Variants in ATP7B observed in about 807,000 individuals in gnomAD.
ATP7B encodes ATPase copper transporting beta, also known as copper-transporting ATPase 2.
In ATP7B, 113 loss-of-function variants were observed where a neutral mutation model predicts 118.9. The ratio of observed to expected loss-of-function variants is 0.95; its 90% CI spans 0.82 to 1.11. ATP7B has a LOEUF of 1.11. Ranked by LOEUF, ATP7B falls within the 50% of genes most tolerant of loss-of-function variation. The pLI, the probability that ATP7B is intolerant of heterozygous loss-of-function variation, is 0.00. For missense variants in ATP7B, 1,867 were observed against 1,871.4 expected, an observed-to-expected ratio of 1.00 and a Z score of 0.04; for synonymous variants, 777 against 727.4, an observed-to-expected ratio of 1.07 and a Z score of -1.10.
Position 51,950,078 on chromosome 13 carries a change from C to G in ATP7B, c.2659G>C (p.Ala887Pro), listed in dbSNP as rs768479687. Residue 887 changes from alanine (A) to proline (P), a missense_variant, in exon 11 of 21, where the codon GCT becomes CCT. Coordinates refer to ENST00000242839, the MANE Select transcript of ATP7B (RefSeq NM_000053.4). Reference sequence around the variant, plus strand: ...GTGGTGTCATTGCCCACGTGGGTAGCTTTAATGAGCACAGAGCCATGTGCA... The same window carrying G: ...GTGGTGTCATTGCCCACGTGGGTAGGTTTAATGAGCACAGAGCCATGTGCA... ...INAHGSVLIKATHVGNDTTLA... is the reference protein window; with the variant it reads ...INAHGSVLIKPTHVGNDTTLA... 2.5e-6 allele frequency: 4 copies of G among 1,614,092 alleles called. No individual in the cohort carries two copies. In the African/African-American group the frequency reaches 4.0e-5, roughly 16 times the overall value.
intron 9 of ATP7B, among the ~76,000 whole-genome samples, chr13:51,952,527 T>C (rs1435033909): frequency 6.6e-6 from 1 of 152,236 alleles, no homozygotes; most frequent in Non-Finnish European, 1.5e-5. Flanking sequence ...TTTACCTCAC[T>C]GAATCTTCCC....
Position 51,935,603 on chromosome 13 carries a change from G to C in ATP7B, c.4114C>G (p.Gln1372Glu), listed in dbSNP as rs755584106. The change falls in exon 20 of 21, where the codon CAG (glutamine) becomes GAG (glutamate). Residue 1372 changes from glutamine to glutamate, a missense_variant. Transcript: ENST00000242839. ...SSVSVVLSSL[Q>E]LKCYKKPDLE... Reference sequence around the variant, plus strand: ...CCTGAGGGGACTCACCACTTGAGCTGCAGGGATGAGAGCACCACAGACACA... The same window carrying C: ...CCTGAGGGGACTCACCACTTGAGCTCCAGGGATGAGAGCACCACAGACACA... 3.7e-6 allele frequency: 6 copies of C among 1,613,304 alleles called. No individual in the cohort carries two copies. The African/African-American group carries it at 4.0e-5, about 11-fold the overall frequency.
At position 51,969,980 on chromosome 13, in the gene ATP7B, A is replaced by G. The variant is rs1262606023; in HGVS notation, c.1543+512T>C. Among the ~76,000 whole-genome samples the G allele has an allele frequency of 2.6e-5, 4 of 152,204 alleles. No homozygotes were observed. The East Asian group carries it at 5.8e-4, about 22-fold the overall frequency. ...TTTCCAAACAAATAAATGGATCCGA[A>G]TTTTATTGTACTTTCAGGTTTAAAA... is the stretch of plus-strand genomic sequence containing the variant. On this transcript the variant is annotated intron_variant, in intron 3 of 20. Transcript: ENST00000242839.
At position 51,935,046 on chromosome 13, in the gene ATP7B, C is replaced by A; in HGVS notation, c.4125-17G>T. On this transcript the variant is annotated splice_polypyrimidine_tract_variant and intron_variant, in intron 20 of 20. Coordinates refer to ENST00000242839, the MANE Select transcript of ATP7B (RefSeq NM_000053.4). ...TTCTTATAGCTGGAAAGCAGGAACG[C>A]AACAGCATCTGAGCCATTCTAGAAA... 6.2e-7 allele frequency: 1 copy of A among 1,613,554 alleles called. No homozygotes were observed. The highest frequency in any genetic ancestry group is 8.5e-7 in the Non-Finnish European group (1 of 1,179,970).
intron 1 of ATP7B, among the ~76,000 whole-genome samples, chr13:52,007,019 C>T (rs946489845): frequency 3.3e-5 from 5 of 152,078 alleles, no homozygotes; most frequent in Non-Finnish European, 7.4e-5. Flanking sequence ...AGAAAGTGCT[C>T]CATAATGTTT....
intron 1 of ATP7B, among the ~76,000 whole-genome samples, chr13:52,003,598 T>G (rs1361104005): frequency 2.6e-5 from 4 of 151,428 alleles, no homozygotes; most frequent in Non-Finnish European, 4.4e-5. Flanking sequence ...ACTTGCTCAG[T>G]GCAGGGTTGC....
Position 51,946,269 on chromosome 13 carries a change from G to A in ATP7B, c.3060+15C>T, listed in dbSNP as rs1337197708. On this transcript the variant is annotated intron_variant, in intron 13 of 20. Coordinates refer to ENST00000242839, the MANE Select transcript of ATP7B (RefSeq NM_000053.4). ...TTCATCTCTCAGGATGGGGAAAGCC[G>A]TGCTACAGGCTGACCTTGTGCGCCA... The A allele has an allele frequency of 6.4e-6, 10 of 1,565,312 alleles. No homozygotes were observed. The highest frequency in any genetic ancestry group is 2.4e-5 in the East Asian group (1 of 42,414).
At chr13:51,964,243 C>T (rs1958946232) in intron 5 of ATP7B, among the ~76,000 whole-genome samples, 1 of 152,168 alleles carries the variant, frequency 6.6e-6, no homozygotes, top group African/African-American at 2.4e-5. Flanking sequence ...TTTATCCTTA[C>T]TAGCTGTTAC....
Position 51,958,482 on chromosome 13 carries a change from G to A in ATP7B, c.2184C>T (p.Asn728=), listed in dbSNP as rs1202766392. The change falls in exon 8 of 21, where the codon AAC becomes AAT. Residue 728 remains asparagine, a synonymous_variant. Coordinates refer to ENST00000242839, the MANE Select transcript of ATP7B (RefSeq NM_000053.4). ...AYKSLRHRSA[N]MDVLIVLATS... ...TGGCCAGGACGATGAGCACGTCCAT[G>A]TTGGCTGACCTGTGTCTCAGAGATT... is the stretch of plus-strand genomic sequence containing the variant. The A allele has an allele frequency of 6.2e-7, 1 of 1,614,230 alleles. No individual in the cohort carries two copies. The highest frequency in any genetic ancestry group is 1.1e-5 in the South Asian group (1 of 91,084).
intron 15 of ATP7B, 146 bp from the exon 16 acceptor site, chr13:51,941,370 AG>A: frequency 6.6e-6 from 6 of 904,706 alleles, no homozygotes; most frequent in African/African-American, 1.7e-5. Flanking sequence ...AGCATCCTTT[AG>A]GACAAAAAAA....
At chr13:51,968,126 C>G (rs1951655855) in intron 4 of ATP7B, among the ~76,000 whole-genome samples, 1 of 152,168 alleles carries the variant, frequency 6.6e-6, no homozygotes, top group Admixed American at 6.5e-5. Context: ...TTCAACTCCC[C>G]CTAACCACCC....
intron 7 of ATP7B, chr13:51,958,816 G>T: frequency 8.2e-5 from 38 of 460,876 alleles, no homozygotes; most frequent in East Asian, 2.6e-4. Flanking sequence ...AAAAGTTGGG[G>T]AAAAAAATCA....
At chr13:51,992,776 G>A (rs1480499277) in intron 1 of ATP7B, among the ~76,000 whole-genome samples, 1 of 151,954 alleles carries the variant, frequency 6.6e-6, no homozygotes, top group African/African-American at 2.4e-5. Flanking sequence ...TCAGGAGTTT[G>A]AGACCAGCCT....
At chr13:51,982,673 C>T (rs1056365097) in intron 1 of ATP7B, among the ~76,000 whole-genome samples, 1 of 152,182 alleles carries the variant, frequency 6.6e-6, no homozygotes, top group African/African-American at 2.4e-5. Context: ...CAGCTCCCAG[C>T]GAGATCAACG....
intron 1 of ATP7B, among the ~76,000 whole-genome samples, chr13:51,995,807 C>G (rs1369071142): frequency 6.6e-6 from 1 of 152,154 alleles, no homozygotes; most frequent in East Asian, 1.9e-4. Context: ...GCACTTGGCA[C>G]CCTCTCACTC....
chr13:51,961,405 G>A (rs144863949), intron 6 of ATP7B, among the ~76,000 whole-genome samples: 1 of 152,068 alleles, frequency 6.6e-6, no homozygotes, highest in Non-Finnish European at 1.5e-5. Flanking sequence ...CAGCCATTAT[G>A]CCTGCCTTCA....
intron 1 of ATP7B, among the ~76,000 whole-genome samples, chr13:51,986,564 A>G (rs1177508810): frequency 1.3e-5 from 2 of 152,226 alleles, no homozygotes; most frequent in African/African-American, 4.8e-5. Context: ...AACTCATTTT[A>G]TGAGGCCAGC....
rs79248196 is a variant in ATP7B at position 51,952,514 on chromosome 13, T to A, written c.2448-2115A>T. The stretch of plus-strand genomic sequence containing the variant: ...CTAGGAACTGTGCTAGATTTTTACA[T>A]GTTTTACCTCACTGAATCTTCCCAG... On this transcript the variant is annotated intron_variant, in intron 9 of 20. Transcript: ENST00000242839. Among the ~76,000 whole-genome samples, 210 of 152,362 alleles carry A rather than the reference T, an allele frequency of 1.4e-3. 1 individual carries two copies. The highest frequency in any genetic ancestry group is 4.8e-3 in the African/African-American group (199 of 41,588).
At chr13:51,969,514 C>T (rs576453630) in intron 3 of ATP7B, among the ~76,000 whole-genome samples, 31 of 151,338 alleles carry the variant, frequency 2.0e-4, no homozygotes, top group Middle Eastern at 3.4e-3. Flanking sequence ...TTTCCTTACT[C>T]TTTTATAGTT....
Sources: allele counts gnomAD v4.1 joint callset (sites outside exome capture counted in the v4.1 genomes callset), GRCh38; gene constraint gnomAD v4.1.1; transcripts MANE v1.5; gene names NCBI Gene and HGNC (gene_info 2026-07-23, HGNC 2026-07-21).